GSAP: variants seen among roughly 807,000 people sequenced by gnomAD.
GSAP encodes the protein gamma-secretase-activating protein.
GSAP carries 118 observed loss-of-function variants against 131.7 expected under a neutral mutation model. The ratio of observed to expected loss-of-function variants is 0.90; its 90% confidence interval spans 0.77 to 1.04. The LOEUF is 1.04. GSAP is among the 50% of genes least tolerant of loss of function. The pLI, the probability that GSAP is intolerant of heterozygous loss-of-function variation, is 0.00. For missense variants in GSAP, 1,019 were observed against 1,013.2 expected (o/e 1.01, Z -0.08); for synonymous variants, 381 against 363.4 (o/e 1.05, Z -0.55).
chr7:77,333,092 G>A (rs538093130), intron 19 of GSAP, among the ~76,000 whole-genome samples: 12 of 152,244 alleles, frequency 7.9e-5, no homozygotes, highest in East Asian at 7.7e-4. Context: ...ACTTGAACCC[G>A]GGAGGCGGAG....
intron 19 of GSAP, chr7:77,330,866 A>T (rs61397812): frequency 1.0e-6 from 1 of 981,184 alleles, no homozygotes. Context: ...TCAAAAAAAG[A>T]TAAAATGAAC....
intron 18 of GSAP, among the ~76,000 whole-genome samples, chr7:77,350,220 C>G (rs1240928602): frequency 7.7e-6 from 1 of 130,284 alleles, no homozygotes; most frequent in African/African-American, 3.0e-5. Context: ...GGGAACTGAA[C>G]AATGAGAACA....
intron 1 of GSAP, chr7:77,415,704 C>T (rs1804265827): frequency 6.6e-6 from 1 of 152,494 alleles, no homozygotes; most frequent in Admixed American, 6.5e-5. Context: ...TCAACAGACA[C>T]ATAAACACGT....
At chr7:77,316,155 A>G (rs1794944635) in intron 26 of GSAP, 1 of 152,262 alleles carries the variant, frequency 6.6e-6, no homozygotes, top group Non-Finnish European at 1.5e-5. Context: ...TACAGAAGGT[A>G]TGAAGACCTG....
intron 5 of GSAP, among the ~76,000 whole-genome samples, chr7:77,396,732 C>T (rs1242453521): frequency 1.3e-5 from 2 of 151,924 alleles, no homozygotes; most frequent in Middle Eastern, 3.2e-3. Flanking sequence ...ATTTATTTAG[C>T]CTGCAGGTAC....
In GSAP at chr7:77,416,339, C is replaced by G; in HGVS notation, c.-18G>C. On this transcript the variant is annotated 5_prime_UTR_variant, in exon 1 of 31. Coordinates refer to ENST00000257626, the MANE Select transcript of GSAP (RefSeq NM_017439.4). The stretch of plus-strand genomic sequence containing the variant: ...AGAGCCATCGCCCGGACACGACCAC[C>G]GGGCGGCTCTGGGGCCCCGCACCGC... The G allele has an allele frequency of 2.1e-6, 3 of 1,457,222 alleles. No homozygotes were observed. Among genetic ancestry groups the G allele is most frequent in the Non-Finnish European group, 2.7e-6 (3 of 1,095,972 alleles). The allele number at this position is 1,457,222 out of a possible 1,614,324, so 90.3% of individuals were successfully genotyped here.
intron 19 of GSAP, chr7:77,331,664 C>G (rs1249876670): frequency 6.6e-6 from 1 of 152,058 alleles, no homozygotes; most frequent in East Asian, 1.9e-4. Context: ...AAGTAAGTAA[C>G]ATAATATTAA....
intron 5 of GSAP, among the ~76,000 whole-genome samples, chr7:77,396,218 G>GA (rs1008579805): frequency 1.3e-5 from 2 of 150,020 alleles, no homozygotes; most frequent in Admixed American, 6.6e-5. Flanking sequence ...TTTCGTTAAA[G>GA]AAAAAAAATA....
intron 5 of GSAP, among the ~76,000 whole-genome samples, chr7:77,392,930 G>C (rs1353317152): frequency 6.6e-6 from 1 of 152,168 alleles, no homozygotes; most frequent in Admixed American, 6.5e-5. Context: ...GAAATCTGCT[G>C]TGACTTGTGG....
intron 12 of GSAP, among the ~76,000 whole-genome samples, chr7:77,368,157 G>T (rs1795587567): frequency 6.6e-6 from 1 of 152,144 alleles, no homozygotes; most frequent in Non-Finnish European, 1.5e-5. Context: ...GGTGGTGGAA[G>T]TTCCCCTGGC....
chr7:77,371,685 C>T (rs1374622726), intron 12 of GSAP, among the ~76,000 whole-genome samples: 1 of 152,200 alleles, frequency 6.6e-6, no homozygotes, highest in Non-Finnish European at 1.5e-5. Context: ...GATCTGCCCG[C>T]CTCGGCCTCC....
intron 22 of GSAP, 182 bp downstream of exon 22, chr7:77,328,424 T>C: frequency 1.5e-6 from 2 of 1,308,024 alleles, no homozygotes; most frequent in Non-Finnish European, 1.9e-6. Context: ...CCGGAGGTCC[T>C]GGTGCCTAGA....
chr7:77,354,136 T>C (rs1179094109), intron 16 of GSAP, among the ~76,000 whole-genome samples: 1 of 152,196 alleles, frequency 6.6e-6, no homozygotes, highest in South Asian at 2.1e-4. Flanking sequence ...CTCATCTCCA[T>C]AATCATCCTC....
In GSAP at chr7:77,360,916, T is replaced by C. The variant is rs770494385; in HGVS notation, c.950-15A>G. Reference sequence around the variant, plus strand: ...CTTGCTGTGTCCTGCAAAGAGAGAATATGAAGCCAGAGAATGTTAAACAAA... The same window carrying C: ...CTTGCTGTGTCCTGCAAAGAGAGAACATGAAGCCAGAGAATGTTAAACAAA... On this transcript the variant is annotated splice_polypyrimidine_tract_variant and intron_variant, in intron 13 of 30. Coordinates refer to ENST00000257626, the MANE Select transcript of GSAP (RefSeq NM_017439.4). 2.0e-6 allele frequency: 3 copies of C among 1,488,320 alleles called. No homozygotes were observed. Among genetic ancestry groups the C allele is most frequent in the East Asian group, 2.3e-5 (1 of 44,300 alleles). The allele number at this position is 1,488,320 out of a possible 1,614,324, so 92.2% of individuals were successfully genotyped here.
At chr7:77,315,770 T>A (rs367701064) in intron 26 of GSAP, 1 of 152,008 alleles carries the variant, frequency 6.6e-6, no homozygotes, top group Admixed American at 6.6e-5. Flanking sequence ...TCCAGCTGGG[T>A]TGGAATCATA....
At chr7:77,363,977 T>G (rs1794906635) in intron 12 of GSAP, among the ~76,000 whole-genome samples, 1 of 152,126 alleles carries the variant, frequency 6.6e-6, no homozygotes. Flanking sequence ...CAGTAAACAT[T>G]ATCAGCAAAA....
chr7:77,311,076 GTGGCCTA>G lies in GSAP; in HGVS notation c.*275_*281del, dbSNP rs1794298104. ...TTCAGAGTGCAACAGAAACTAGCTT[GTGGCCTA>G]TTAAGCTACTAGGAAGAGCATCGTT... On this transcript the variant is annotated 3_prime_UTR_variant, in exon 31 of 31. Transcript: ENST00000257626. 1 of 284,306 alleles carries G rather than the reference GTGGCCTA, an allele frequency of 3.5e-6. No homozygotes were observed. Among genetic ancestry groups the G allele is most frequent in the African/African-American group, 2.2e-5 (1 of 46,304 alleles). 17.6% of individuals were successfully genotyped at this position (284,306 alleles called of 1,614,324 possible). A position where few individuals can be genotyped will look rare whatever the true frequency, so the allele number is the denominator to read the frequency against.
chr7:77,312,484 G>C (rs921744007), intron 28 of GSAP, among the ~76,000 whole-genome samples: 1 of 152,172 alleles, frequency 6.6e-6, no homozygotes, highest in African/African-American at 2.4e-5. Context: ...CAAAACCAGA[G>C]ATGGGCATGC....
At chr7:77,406,168 T>C in intron 1 of GSAP, 63 bp from the exon 2 acceptor site, 1 of 980,864 alleles carries the variant, frequency 1.0e-6, no homozygotes, top group Non-Finnish European at 1.3e-6. Flanking sequence ...CTAACCAATA[T>C]ATTAGTGAAG....
Sources: allele counts gnomAD v4.1 joint callset (sites outside exome capture counted in the v4.1 genomes callset), GRCh38; gene constraint gnomAD v4.1.1; transcripts MANE v1.5; gene names NCBI Gene and HGNC (gene_info 2026-07-23, HGNC 2026-07-21).